The following ATP8A2 variants were observed in gnomAD, a reference collection of about 807,000 sequenced individuals.
ATP8A2 encodes the protein phospholipid-transporting ATPase IB.
In ATP8A2, 100 loss-of-function variants were observed where a neutral mutation model predicts 165.6. The observed-to-expected ratio is 0.60, with a 90% CI of 0.51 to 0.71. The LOEUF (loss-of-function observed/expected upper bound fraction) is 0.71, where lower values mean the gene tolerates loss of function less well. Ranked by LOEUF, ATP8A2 falls within the 30% of genes least tolerant of loss-of-function variation. The pLI, the probability that ATP8A2 is intolerant of heterozygous loss-of-function variation, is 0.00. For missense variants in ATP8A2, 1,227 were observed against 1,479.5 expected (o/e 0.83, Z 2.80); for synonymous variants, 543 against 548.8 (o/e 0.99, Z 0.15).
At chr13:25,743,865 T>C (rs1435694826) in intron 25 of ATP8A2, among the ~76,000 whole-genome samples, 1 of 152,232 alleles carries the variant, frequency 6.6e-6, no homozygotes, top group Non-Finnish European at 1.5e-5. Context: ...GGAACATGCA[T>C]ACTCTCTGTT....
At chr13:25,837,112 G>A (rs767562972) in intron 28 of ATP8A2, 51 bp from the exon 29 acceptor site, 3 of 1,593,780 alleles carry the variant, frequency 1.9e-6, no homozygotes, top group Admixed American at 1.7e-5. Flanking sequence ...GAACAATGAA[G>A]CCGTGTGGAT....
intron 31 of ATP8A2, 47 bp downstream of exon 31, chr13:25,860,303 T>A (rs1002003253): frequency 8.0e-7 from 1 of 1,242,416 alleles, no homozygotes; most frequent in Non-Finnish European, 1.2e-6. Context: ...AGCTTATGTG[T>A]GGCTTGCACT....
chr13:25,567,098 G>A (rs1428110356), intron 16 of ATP8A2: 6 of 296,466 alleles, frequency 2.0e-5, no homozygotes, highest in Non-Finnish European at 4.0e-5. Flanking sequence ...CCCCCTACAT[G>A]CTACTGGGAT....
At chr13:25,723,517 C>A (rs3132361) in intron 25 of ATP8A2, among the ~76,000 whole-genome samples, 15,301 of 152,038 alleles carry the variant, frequency 0.1, 907 homozygotes, top group African/African-American at 0.16. Flanking sequence ...GATCTTTTAC[C>A]TCCTTTTACT....
At chr13:25,695,715 C>G (rs556003481) in intron 24 of ATP8A2, among the ~76,000 whole-genome samples, 14 of 152,334 alleles carry the variant, frequency 9.2e-5, no homozygotes, top group African/African-American at 3.4e-4. Flanking sequence ...GATTGCAGCA[C>G]ATTGTCACAT....
chr13:25,963,984 A>T (rs1184162340), intron 34 of ATP8A2, among the ~76,000 whole-genome samples: 1 of 152,262 alleles, frequency 6.6e-6, no homozygotes, highest in Non-Finnish European at 1.5e-5. Context: ...GAGCTTGCCA[A>T]CTGGGTCAGA....
At chr13:25,836,208 G>A (rs1167399998) in intron 28 of ATP8A2, among the ~76,000 whole-genome samples, 1 of 151,256 alleles carries the variant, frequency 6.6e-6, no homozygotes, top group Non-Finnish European at 1.5e-5. Context: ...GTTTGTTTTT[G>A]GAAAACTGGC....
At position 25,642,105 on chromosome 13, in the gene ATP8A2, A is replaced by T. The variant is rs192751579; in HGVS notation, c.2211+52406A>T. Among the ~76,000 whole-genome samples, 125 of 152,312 alleles carry T rather than the reference A, an allele frequency of 8.2e-4. 1 individual carries two copies. Among genetic ancestry groups the T allele is most frequent in the Non-Finnish European group, 1.6e-3 (106 of 68,018 alleles). ...CACCTTATAGAAAAATTAATTCAAG[A>T]TGGATTAAAGACTTAAATGTTAGAC... On this transcript the variant is annotated intron_variant, in intron 24 of 36. Coordinates refer to ENST00000381655, the MANE Select transcript of ATP8A2 (RefSeq NM_016529.6).
rs1206782496 is a variant in ATP8A2, at chr13:25,530,613, A to G, written c.373A>G (p.Ile125Val). Reference protein sequence around the residue: ...TGRYTTLVPLIIILTIAGIKE... With the variant: ...TGRYTTLVPLVIILTIAGIKE... Reference sequence around the variant, plus strand: ...AAGATATACCACCCTGGTGCCATTGATCATTATTTTAACAATTGCAGGCAT... The same window carrying G: ...AAGATATACCACCCTGGTGCCATTGGTCATTATTTTAACAATTGCAGGCAT... Residue 125 changes from isoleucine to valine, a missense_variant, in exon 4 of 37, where the codon ATC becomes GTC. Physicochemically the swap from Ile to Val is conservative, Grantham distance 29. This residue lies in a region of ATP8A2 where 356 missense variants were observed against 394.9 expected (regional missense o/e 0.90). Coordinates refer to ENST00000381655, the MANE Select transcript of ATP8A2 (RefSeq NM_016529.6). The G allele has an allele frequency of 3.1e-6, 5 of 1,595,302 alleles. No individual in the cohort carries two copies. The South Asian group carries it at 5.7e-5, about 18-fold the overall frequency.
At chr13:25,444,440 T>C (rs1382647531) in intron 1 of ATP8A2, among the ~76,000 whole-genome samples, 2 of 152,212 alleles carry the variant, frequency 1.3e-5, no homozygotes, top group Non-Finnish European at 2.9e-5. Flanking sequence ...GGTAGATGTA[T>C]ACTTAACTCT....
chr13:25,890,364 C>T (rs1953321488), intron 33 of ATP8A2, among the ~76,000 whole-genome samples: 1 of 152,078 alleles, frequency 6.6e-6, no homozygotes, highest in Non-Finnish European at 1.5e-5. Flanking sequence ...TAACAGAACG[C>T]CTGGTACACA....
chr13:25,629,828 T>C (rs1022320424), intron 24 of ATP8A2, among the ~76,000 whole-genome samples: 1 of 152,222 alleles, frequency 6.6e-6, no homozygotes, highest in Non-Finnish European at 1.5e-5. Context: ...GTGTAAATTG[T>C]TCTGCTTTCT....
intron 2 of ATP8A2, among the ~76,000 whole-genome samples, chr13:25,497,401 A>G (rs73475527): frequency 2.9e-4 from 44 of 152,352 alleles, no homozygotes; most frequent in Admixed American, 6.5e-4. Context: ...AGGGAAATCA[A>G]AAGTTTAATA....
At chr13:25,909,143 T>C (rs1218337340) in intron 33 of ATP8A2, among the ~76,000 whole-genome samples, 1 of 152,078 alleles carries the variant, frequency 6.6e-6, no homozygotes, top group Non-Finnish European at 1.5e-5. Context: ...GAATTCCAAT[T>C]AGAAAGGAAC....
At chr13:25,879,237 G>C (rs1350708514) in intron 33 of ATP8A2, among the ~76,000 whole-genome samples, 1 of 152,144 alleles carries the variant, frequency 6.6e-6, no homozygotes, top group African/African-American at 2.4e-5. Flanking sequence ...CGAGCACCTG[G>C]GACAATATCT....
At chr13:25,892,116 C>T (rs1364480340) in intron 33 of ATP8A2, among the ~76,000 whole-genome samples, 1 of 151,850 alleles carries the variant, frequency 6.6e-6, no homozygotes, top group Non-Finnish European at 1.5e-5. Context: ...ACTGGGACTA[C>T]AGGCGCCCGC....
Position 25,860,234 on chromosome 13 carries a change from T to C in ATP8A2, c.2996T>C (p.Phe999Ser), listed in dbSNP as rs1952304469. ...LTSGHATDYL[F>S]VGNIVYTYVV... ...AGTGGTCATGCTACCGACTATTTAT[T>C]TGTTGGAAATATTGTTTACACAGTA... Residue 999 changes from phenylalanine to serine, a missense_variant, in exon 31 of 37, where the codon TTT becomes TCT. This residue lies in a region of ATP8A2 where 260 missense variants were observed against 245.1 expected (regional missense o/e 1.06). Transcript: ENST00000381655. 1.2e-6 allele frequency: 2 copies of C among 1,611,632 alleles called. No individual in the cohort carries two copies. Among genetic ancestry groups the C allele is most frequent in the Admixed American group, 1.7e-5 (1 of 59,988 alleles).
chr13:25,655,129 A>G (rs1198373736), intron 24 of ATP8A2, among the ~76,000 whole-genome samples: 4 of 152,130 alleles, frequency 2.6e-5, no homozygotes, highest in African/African-American at 9.7e-5. Flanking sequence ...GGGTGGTCTG[A>G]TGTCCTTGTT....
intron 24 of ATP8A2, among the ~76,000 whole-genome samples, chr13:25,611,389 T>C (rs1029294469): frequency 6.6e-6 from 1 of 152,316 alleles, no homozygotes; most frequent in Non-Finnish European, 1.5e-5. Context: ...TTTTTCTGCA[T>C]CTATTTAGAT....
Sources: allele counts gnomAD v4.1 joint callset (sites outside exome capture counted in the v4.1 genomes callset), GRCh38; gene constraint gnomAD v4.1.1; regional missense constraint gnomAD v4.1.1; transcripts MANE v1.5; gene names NCBI Gene and HGNC (gene_info 2026-07-23, HGNC 2026-07-21).